The following SPATA6L variants were observed in gnomAD, a reference collection of about 807,000 sequenced individuals.
The protein encoded by SPATA6L is spermatogenesis associated 6-like protein.
SPATA6L carries 68 observed loss-of-function variants against 49.2 expected under a neutral mutation model. The observed-to-expected ratio is 1.38, with a 90% CI of 1.14 to 1.69. The LOEUF is 1.69. Ranked by LOEUF, SPATA6L falls within the 40% of genes most tolerant of loss-of-function variation. SPATA6L has a pLI of 0.00. For missense variants in SPATA6L, 668 were observed against 464.3 expected (o/e 1.44, Z -4.03); for synonymous variants, 198 against 165.7 (o/e 1.19, Z -1.50).
chr9:4,635,638 G>C (rs924470590), intron 3 of SPATA6L, among the ~76,000 whole-genome samples: 1 of 152,048 alleles, frequency 6.6e-6, no homozygotes, highest in Non-Finnish European at 1.5e-5. Context: ...CTACAAAATA[G>C]AACAAAAAGG....
In SPATA6L at chr9:4,626,099, G is replaced by C. The variant is rs1199529354; in HGVS notation, c.430-533C>G. 4 of 170,718 alleles carry C rather than the reference G, an allele frequency of 2.3e-5. No individual in the cohort carries two copies. In the East Asian group the frequency reaches 6.2e-4, roughly 26 times the overall value. The allele number at this position is 170,718 out of a possible 1,614,324, so 10.6% of individuals were successfully genotyped here. ...TTTCCACCTGGTCTCTGTAGGCTCTGCCACTGGAAGGTGCTAGAGAAAGTG... is the reference window on the plus strand; with the variant it reads ...TTTCCACCTGGTCTCTGTAGGCTCTCCCACTGGAAGGTGCTAGAGAAAGTG... On this transcript the variant is annotated intron_variant, in intron 5 of 11. Transcript: ENST00000682582.
intron 3 of SPATA6L, among the ~76,000 whole-genome samples, chr9:4,653,603 A>G (rs1431347644): frequency 6.6e-6 from 1 of 152,244 alleles, no homozygotes; most frequent in Non-Finnish European, 1.5e-5. Flanking sequence ...CAAATCATCT[A>G]TCTAACAAAG....
At chr9:4,616,826 C>T (rs561552283) in intron 9 of SPATA6L, among the ~76,000 whole-genome samples, 2 of 152,288 alleles carry the variant, frequency 1.3e-5, no homozygotes, top group South Asian at 4.2e-4. Context: ...CTCAGGTGAT[C>T]CACCCACCTT....
At chr9:4,649,060 TATACACACACAC>T (rs542848511) in intron 3 of SPATA6L, among the ~76,000 whole-genome samples, 706 of 67,534 alleles carry the variant, frequency 0.01, 8 homozygotes, top group African/African-American at 0.032. Flanking sequence ...AATATAGAAA[TATACACACACAC>T]ACACACACAC....
intron 3 of SPATA6L, among the ~76,000 whole-genome samples, chr9:4,637,809 T>G (rs958745734): frequency 1.3e-5 from 2 of 152,186 alleles, no homozygotes; most frequent in Admixed American, 1.3e-4. Flanking sequence ...TAAGATAACT[T>G]GCTTAAGTTC....
intron 2 of SPATA6L, among the ~76,000 whole-genome samples, chr9:4,658,080 C>T (rs1009158761): frequency 6.6e-6 from 1 of 152,148 alleles, no homozygotes; most frequent in Non-Finnish European, 1.5e-5. Flanking sequence ...TCCCTAGTGC[C>T]TTTAAAAGGA....
At chr9:4,656,904 G>A (rs889151462) in intron 2 of SPATA6L, among the ~76,000 whole-genome samples, 8 of 151,392 alleles carry the variant, frequency 5.3e-5, no homozygotes, top group Non-Finnish European at 8.8e-5. Context: ...TTACCTATGC[G>A]TAACACAAAA....
At chr9:4,641,501 C>T (rs7035714) in intron 3 of SPATA6L, among the ~76,000 whole-genome samples, 18,337 of 152,102 alleles carry the variant, frequency 0.12, 1,549 homozygotes, top group African/African-American at 0.23. Flanking sequence ...TAATACCTAA[C>T]ATAATGTAAA....
intron 6 of SPATA6L, among the ~76,000 whole-genome samples, chr9:4,624,706 C>T (rs572752050): frequency 4.3e-5 from 6 of 139,224 alleles, no homozygotes; most frequent in South Asian, 2.2e-4. Flanking sequence ...CCAGCCTAGG[C>T]GACAGCGCAA....
intron 4 of SPATA6L, among the ~76,000 whole-genome samples, chr9:4,630,393 A>G (rs1230230457): frequency 1.3e-5 from 2 of 152,232 alleles, no homozygotes; most frequent in Non-Finnish European, 2.9e-5. Flanking sequence ...ATGGCACCAC[A>G]GGGACAGGAC....
chr9:4,662,796 G>A lies in SPATA6L; in HGVS notation c.40-760C>T. 6.2e-7 allele frequency: 1 copy of A among 1,605,256 alleles called. No individual in the cohort carries two copies. Among genetic ancestry groups the A allele is most frequent in the Non-Finnish European group, 8.5e-7 (1 of 1,179,940 alleles). ...CCTTATGAAGCTGCTGGAGATCTCGGGACACGGCATCCCCTGGCTGCTGGG... is the reference window on the plus strand; with the variant it reads ...CCTTATGAAGCTGCTGGAGATCTCGAGACACGGCATCCCCTGGCTGCTGGG... On this transcript the variant is annotated intron_variant, in intron 1 of 11. Transcript: ENST00000682582. This position sits in a 1 kb window ranked among gnomAD's most constrained non-coding sequence, Gnocchi z 4.9.
intron 3 of SPATA6L, among the ~76,000 whole-genome samples, chr9:4,654,992 C>G (rs1837788059): frequency 6.6e-6 from 1 of 152,210 alleles, no homozygotes; most frequent in Admixed American, 6.5e-5. Flanking sequence ...GTACCACTCT[C>G]TTCTCTTCCC....
intron 3 of SPATA6L, among the ~76,000 whole-genome samples, chr9:4,648,427 C>T (rs1418858113): frequency 3.3e-5 from 5 of 152,132 alleles, no homozygotes; most frequent in Admixed American, 1.3e-4. Flanking sequence ...TGGCTGGGCA[C>T]CGTGGCTCAC....
intron 3 of SPATA6L, among the ~76,000 whole-genome samples, chr9:4,635,617 A>C (rs1832645081): frequency 6.6e-6 from 1 of 152,234 alleles, no homozygotes; most frequent in Non-Finnish European, 1.5e-5. Context: ...AAAAAAGACT[A>C]AAGAGATGTT....
In SPATA6L at chr9:4,666,317, T is replaced by C. The variant is rs1840861228; in HGVS notation, c.-67A>G. On this transcript the variant is annotated 5_prime_UTR_variant, in exon 1 of 12. Coordinates refer to ENST00000682582, the MANE Select transcript of SPATA6L (RefSeq NM_001353486.2). ...TTTGTGCCGAGCCTTGGACCAATTT[T>C]TCTTAGTTTAGCTGAATACCTAGAG... is the stretch of plus-strand genomic sequence containing the variant. 3.2e-6 allele frequency: 5 copies of C among 1,578,764 alleles called. No individual in the cohort carries two copies. The highest frequency in any genetic ancestry group is 4.4e-6 in the Non-Finnish European group (5 of 1,149,128).
chr9:4,663,184 T>TG, intron 1 of SPATA6L: 1 of 1,614,148 alleles, frequency 6.2e-7, no homozygotes, highest in Non-Finnish European at 8.5e-7. Context: ...CTGGGCTACA[T>TG]GCAGTACAGC....
At chr9:4,637,274 C>A (rs1449890583) in intron 3 of SPATA6L, among the ~76,000 whole-genome samples, 1 of 152,134 alleles carries the variant, frequency 6.6e-6, no homozygotes, top group Non-Finnish European at 1.5e-5. Context: ...TGGGTCTCTG[C>A]ATGGCTGGCT....
At chr9:4,608,653 G>C (rs368893335) in intron 9 of SPATA6L, among the ~76,000 whole-genome samples, 1 of 146,978 alleles carries the variant, frequency 6.8e-6, no homozygotes, top group Non-Finnish European at 1.5e-5. Context: ...GCAGTGTGTA[G>C]AGGGAAATTT....
At position 4,621,001 on chromosome 9, in the gene SPATA6L, C is replaced by G. The variant is rs962680197; in HGVS notation, c.772+1407G>C. ...CTTGCAGCTGCTGTCAAACAGCTAC[C>G]ACAGTCTAAGAACACTGGCTTAAGT... On this transcript the variant is annotated intron_variant, in intron 7 of 11. Coordinates refer to ENST00000682582, the MANE Select transcript of SPATA6L (RefSeq NM_001353486.2). 1.6e-4 allele frequency among the ~76,000 whole-genome samples: 25 copies of G among 152,166 alleles called. 1 individual carries two copies. The highest frequency in any genetic ancestry group is 3.5e-4 in the Non-Finnish European group (24 of 68,024).
Sources: gnomAD v4.1 joint callset for allele counts (sites outside exome capture counted in the v4.1 genomes callset) on GRCh38, gnomAD v4.1.1 for gene constraint, Gnocchi (gnomAD v3.1) non-coding constraint, MANE v1.5 for transcripts, NCBI Gene and HGNC (gene_info 2026-07-23, HGNC 2026-07-21) for gene names.